TCF4: variants seen among roughly 807,000 people sequenced by gnomAD.
The protein encoded by TCF4 is SL3-3 enhancer factor 2.
TCF4 carries 3 observed loss-of-function variants against 82.1 expected under a neutral mutation model. The observed-to-expected ratio is 0.04, with a 90% CI of 0.02 to 0.09. The LOEUF is 0.09. Among genes scored for constraint, TCF4 ranks in the 10% least tolerant of loss-of-function variants. The pLI is 1.00. For synonymous variants in TCF4, 276 were observed against 309.6 expected (o/e 0.89, Z 1.14); for missense variants, 518 against 852.7 (o/e 0.61, Z 4.89).
chr18:55,355,434 T>G lies in TCF4; in HGVS notation c.370-4431A>C, dbSNP rs565345608. Reference sequence around the variant, plus strand: ...TCCCTGTCGAATAGTTGCTGCTGAATGTGCCATTCTGACCACAGAAGGGCC... The same window carrying G: ...TCCCTGTCGAATAGTTGCTGCTGAAGGTGCCATTCTGACCACAGAAGGGCC... On this transcript the variant is annotated intron_variant, in intron 6 of 19. Coordinates refer to ENST00000354452, the MANE Select transcript of TCF4 (RefSeq NM_001083962.2). 3.9e-5 allele frequency among the ~76,000 whole-genome samples: 6 copies of G among 152,260 alleles called. No individual in the cohort carries two copies. The South Asian group carries it at 6.2e-4, about 16-fold the overall frequency.
chr18:55,621,907 C>G (rs28549271), intron 2 of TCF4, among the ~76,000 whole-genome samples: 1 of 92,270 alleles, frequency 1.1e-5, no homozygotes, highest in Admixed American at 1.9e-4. Context: ...TATATATACA[C>G]TATATATTAT....
intron 2 of TCF4, among the ~76,000 whole-genome samples, chr18:55,630,844 T>TA (rs1026068216): frequency 2.6e-5 from 4 of 152,172 alleles, no homozygotes; most frequent in African/African-American, 9.7e-5. Flanking sequence ...GAGTGGTGAT[T>TA]AAATGGACAG....
chr18:55,321,411 T>C, intron 8 of TCF4: 1 of 532,398 alleles, frequency 1.9e-6, no homozygotes, highest in Non-Finnish European at 3.3e-6. Flanking sequence ...CTGCAAACTT[T>C]CGCTCTAGGA....
intron 3 of TCF4, among the ~76,000 whole-genome samples, chr18:55,491,245 AT>A (rs1189773492): frequency 6.6e-6 from 1 of 152,160 alleles, no homozygotes; most frequent in Non-Finnish European, 1.5e-5. Context: ...ATTAAGAGCT[AT>A]AACAATACCC....
intron 5 of TCF4, among the ~76,000 whole-genome samples, chr18:55,425,706 T>C (rs2094951079): frequency 6.6e-6 from 1 of 152,198 alleles, no homozygotes; most frequent in African/African-American, 2.4e-5. Context: ...TCTTTCAAAT[T>C]AAATTTCCAA....
chr18:55,376,356 A>G (rs1428678765), intron 6 of TCF4, among the ~76,000 whole-genome samples: 1 of 152,138 alleles, frequency 6.6e-6, no homozygotes, highest in Non-Finnish European at 1.5e-5. Context: ...GAAAATAAGG[A>G]AAAGAAAATA....
chr18:55,269,700 G>T, intron 11 of TCF4, 131 bp downstream of exon 11: 1 of 1,183,310 alleles, frequency 8.5e-7, no homozygotes, highest in Non-Finnish European at 1.2e-6. Context: ...GTACATTTGT[G>T]TGTTCATTCT....
At chr18:55,477,508 C>A (rs954941284) in intron 3 of TCF4, among the ~76,000 whole-genome samples, 1 of 152,142 alleles carries the variant, frequency 6.6e-6, no homozygotes, top group Non-Finnish European at 1.5e-5. Context: ...TAAACCATGT[C>A]AGCAATGAAA....
intron 6 of TCF4, among the ~76,000 whole-genome samples, chr18:55,386,020 C>A (rs2092571618): frequency 6.6e-6 from 1 of 152,196 alleles, no homozygotes; most frequent in Non-Finnish European, 1.5e-5. Flanking sequence ...TCATGACCAA[C>A]AAGCTGGAGT....
At chr18:55,230,365 C>T (rs1453970424) in intron 17 of TCF4, 2 of 152,110 alleles carry the variant, frequency 1.3e-5, no homozygotes, top group East Asian at 1.9e-4. Context: ...ATGAGGAAGT[C>T]GTCACAGCAG....
intron 3 of TCF4, among the ~76,000 whole-genome samples, chr18:55,559,481 G>T (rs1468060758): frequency 6.6e-6 from 1 of 151,738 alleles, no homozygotes; most frequent in African/African-American, 2.4e-5. Flanking sequence ...CTTTAAAAAA[G>T]GTTTATTAAC....
At chr18:55,397,063 T>G (rs1160860151) in intron 6 of TCF4, among the ~76,000 whole-genome samples, 3 of 152,208 alleles carry the variant, frequency 2.0e-5, no homozygotes, top group Non-Finnish European at 4.4e-5. Flanking sequence ...AAAAGGGGTA[T>G]CTGTCCATTG....
intron 5 of TCF4, among the ~76,000 whole-genome samples, chr18:55,455,179 CAAA>C (rs35889370): frequency 0.37 from 24,688 of 67,402 alleles, 1,994 homozygotes; most frequent in East Asian, 0.52. Context: ...GACTCTGTCT[CAAA>C]AAAAAAAAAA....
chr18:55,585,487 C>T (rs1052794946), intron 2 of TCF4, 135 bp from the exon 3 acceptor site: 1 of 829,160 alleles, frequency 1.2e-6, no homozygotes, highest in Non-Finnish European at 2.0e-6. Flanking sequence ...ACATCACCAT[C>T]CAACTTAAAA....
At chr18:55,459,251 C>T (rs536313797) in intron 5 of TCF4, among the ~76,000 whole-genome samples, 3 of 152,092 alleles carry the variant, frequency 2.0e-5, no homozygotes, top group South Asian at 2.1e-4. Flanking sequence ...GACTGTCAGG[C>T]CACTTATATT....
At chr18:55,285,109 A>C (rs1164565060) in intron 8 of TCF4, among the ~76,000 whole-genome samples, 2 of 152,312 alleles carry the variant, frequency 1.3e-5, no homozygotes, top group East Asian at 3.9e-4. Context: ...TAACTGTCCT[A>C]TGTGACCAAG....
intron 6 of TCF4, among the ~76,000 whole-genome samples, chr18:55,379,235 C>A (rs1055740280): frequency 6.6e-6 from 1 of 151,992 alleles, no homozygotes; most frequent in South Asian, 2.1e-4. Context: ...GTGGAGGGTG[C>A]GAAAGGAAGG....
intron 3 of TCF4, among the ~76,000 whole-genome samples, chr18:55,481,385 T>C (rs2145568912): frequency 6.6e-6 from 1 of 152,304 alleles, no homozygotes; most frequent in Admixed American, 6.5e-5. Context: ...TGTGAGGTAT[T>C]TGTACTCAAA....
At chr18:55,411,586 G>A (rs1404085383) in intron 5 of TCF4, among the ~76,000 whole-genome samples, 1 of 152,166 alleles carries the variant, frequency 6.6e-6, no homozygotes, top group Admixed American at 6.5e-5. Flanking sequence ...GATGGTGAGT[G>A]TGGAGAAAAG....
Sources: allele counts gnomAD v4.1 joint callset (sites outside exome capture counted in the v4.1 genomes callset), GRCh38; gene constraint gnomAD v4.1.1; transcripts MANE v1.5; gene names NCBI Gene and HGNC (gene_info 2026-07-23, HGNC 2026-07-21).